Variants in NCKAP5 observed in about 807,000 individuals in gnomAD.
The protein encoded by NCKAP5 is NCK associated protein 5.
NCKAP5 carries 92 observed loss-of-function variants against 167.0 expected under a neutral mutation model. The observed-to-expected ratio is 0.55, with a 90% CI of 0.47 to 0.66. The LOEUF is 0.66. Ranked by LOEUF, NCKAP5 falls within the 30% of genes least tolerant of loss-of-function variation. The pLI, the probability that NCKAP5 is intolerant of heterozygous loss-of-function variation, is 0.00. For missense variants in NCKAP5, 2,378 were observed against 2,315.0 expected, an observed-to-expected ratio of 1.03 and a Z score of -0.56; for synonymous variants, 891 against 877.4, an observed-to-expected ratio of 1.02 and a Z score of -0.27.
the NCKAP5 span, among the ~76,000 whole-genome samples, chr2:133,640,289 T>C: frequency 6.6e-6 from 1 of 152,208 alleles, no homozygotes; most frequent in African/African-American, 2.4e-5. Context: ...TGAATGGATA[T>C]GAAAAAGCAG....
At chr2:133,084,865 G>A (rs757274693) in intron 6 of NCKAP5, among the ~76,000 whole-genome samples, 5 of 151,994 alleles carry the variant, frequency 3.3e-5, no homozygotes, top group African/African-American at 4.8e-5. Flanking sequence ...AGACTTCATC[G>A]CCTTAAGTGG....
chr2:133,273,329 T>C (rs1406987069), intron 4 of NCKAP5, among the ~76,000 whole-genome samples: 2 of 152,206 alleles, frequency 1.3e-5, no homozygotes, highest in Admixed American at 6.5e-5. Flanking sequence ...TGGTCATTTG[T>C]ATGTGTCTTC....
intron 3 of NCKAP5, among the ~76,000 whole-genome samples, chr2:133,344,062 C>T (rs555724095): frequency 4.6e-5 from 7 of 152,248 alleles, no homozygotes; most frequent in African/African-American, 1.7e-4. Flanking sequence ...AGGTGTCAGT[C>T]ATTCTTTGAT....
chr2:133,457,580 GAC>G (rs1419593375), intron 3 of NCKAP5, among the ~76,000 whole-genome samples: 2 of 152,126 alleles, frequency 1.3e-5, no homozygotes, highest in African/African-American at 4.8e-5. Flanking sequence ...ATTATTTTTA[GAC>G]AGTCTGAAGG....
At chr2:133,299,475 G>C (rs1047654684) in intron 4 of NCKAP5, among the ~76,000 whole-genome samples, 1 of 152,096 alleles carries the variant, frequency 6.6e-6, no homozygotes, top group Non-Finnish European at 1.5e-5. Context: ...GGCCGGGCCC[G>C]GGGGCTCACA....
intron 4 of NCKAP5, chr2:133,268,958 A>C (rs1278645881): frequency 6.6e-6 from 1 of 152,260 alleles, no homozygotes; most frequent in East Asian, 1.9e-4. Flanking sequence ...AACATTGTCC[A>C]GGAAATTGCT....
At chr2:133,597,253 C>T in the NCKAP5 span, among the ~76,000 whole-genome samples, 1 of 152,120 alleles carries the variant, frequency 6.6e-6, no homozygotes, top group Admixed American at 6.5e-5. Context: ...TGGACATCTG[C>T]GAAGGCTGGA....
intron 3 of NCKAP5, among the ~76,000 whole-genome samples, chr2:133,340,890 A>G (rs1481080006): frequency 6.6e-6 from 1 of 152,200 alleles, no homozygotes; most frequent in East Asian, 1.9e-4. Context: ...CTCAGCAGCC[A>G]GCTCACATCC....
At chr2:132,974,751 C>A (rs1233242889) in intron 7 of NCKAP5, among the ~76,000 whole-genome samples, 1 of 152,236 alleles carries the variant, frequency 6.6e-6, no homozygotes, top group East Asian at 1.9e-4. Context: ...CCAGGCCATT[C>A]CTCTACGGAG....
chr2:133,388,877 C>G (rs557737568), intron 3 of NCKAP5, among the ~76,000 whole-genome samples: 258 of 152,326 alleles, frequency 1.7e-3, no homozygotes, highest in African/African-American at 5.9e-3. Flanking sequence ...TTGCTAAGAC[C>G]ATTGGAAACA....
chr2:133,430,521 C>T (rs1463815395), intron 3 of NCKAP5, among the ~76,000 whole-genome samples: 1 of 152,100 alleles, frequency 6.6e-6, no homozygotes, highest in Non-Finnish European at 1.5e-5. Context: ...ACGTTTCAGT[C>T]TTTAATCCAT....
At chr2:132,796,871 G>A (rs1684650839) in intron 11 of NCKAP5, 142 bp from the exon 12 acceptor site, 1 of 603,518 alleles carries the variant, frequency 1.7e-6, no homozygotes, top group African/African-American at 1.8e-5. Context: ...GTTTATTCTA[G>A]TTTATCAGTG....
intron 16 of NCKAP5, among the ~76,000 whole-genome samples, chr2:132,741,290 G>A (rs916272994): frequency 3.3e-5 from 5 of 151,964 alleles, no homozygotes; most frequent in African/African-American, 1.2e-4. Flanking sequence ...CTATACTCTT[G>A]TCACTCCAGA....
chr2:133,451,411 G>C (rs1314119760), intron 3 of NCKAP5, among the ~76,000 whole-genome samples: 1 of 152,148 alleles, frequency 6.6e-6, no homozygotes, highest in East Asian at 1.9e-4. Context: ...AGTGGCACAT[G>C]AGTATCCTTT....
chr2:133,213,404 T>C (rs2086290520), intron 5 of NCKAP5, among the ~76,000 whole-genome samples: 1 of 152,186 alleles, frequency 6.6e-6, no homozygotes, highest in Non-Finnish European at 1.5e-5. Context: ...GTTTGAATTA[T>C]GTTGAACTGT....
At chr2:133,192,032 A>G (rs1056888425) in intron 5 of NCKAP5, among the ~76,000 whole-genome samples, 1 of 152,118 alleles carries the variant, frequency 6.6e-6, no homozygotes, top group Non-Finnish European at 1.5e-5. Flanking sequence ...AGATGAATCT[A>G]CTAAATTCCA....
intron 2 of NCKAP5, among the ~76,000 whole-genome samples, chr2:133,529,041 T>C (rs1254399406): frequency 6.6e-6 from 1 of 152,202 alleles, no homozygotes; most frequent in Non-Finnish European, 1.5e-5. Context: ...CCAAGTTTCT[T>C]CCACATTTTC....
chr2:132,930,990 T>C (rs1467743475), intron 8 of NCKAP5: 1 of 152,188 alleles, frequency 6.6e-6, no homozygotes, highest in Non-Finnish European at 1.5e-5. Flanking sequence ...AAGCCAAAAT[T>C]AAACTCAGGT....
intron 13 of NCKAP5, among the ~76,000 whole-genome samples, chr2:132,789,304 G>T (rs1683855969): frequency 6.6e-6 from 1 of 152,152 alleles, no homozygotes; most frequent in Non-Finnish European, 1.5e-5. Context: ...ATTATTCAGA[G>T]CACCTAACAA....
Sources: allele counts gnomAD v4.1 joint callset (sites outside exome capture counted in the v4.1 genomes callset), GRCh38; gene constraint gnomAD v4.1.1; transcripts MANE v1.5; gene names NCBI Gene and HGNC (gene_info 2026-07-23, HGNC 2026-07-21).